Variants in ITGA2 observed in about 807,000 individuals in gnomAD.
The protein encoded by ITGA2 is integrin alpha-2.
Under a neutral mutation model 146.3 loss-of-function variants are expected in ITGA2, and 101 were observed. The ratio of observed to expected loss-of-function variants is 0.69; its 90% CI spans 0.59 to 0.81. The LOEUF is 0.81. Ranked by LOEUF, ITGA2 falls within the 40% of genes least tolerant of loss-of-function variation. The pLI is 0.00. For missense variants in ITGA2, 1,281 were observed against 1,402.7 expected (o/e 0.91, Z 1.39); for synonymous variants, 477 against 487.1 (o/e 0.98, Z 0.27).
chr5:53,077,218 A>T (rs1206496931), intron 23 of ITGA2, among the ~76,000 whole-genome samples: 2 of 152,060 alleles, frequency 1.3e-5, no homozygotes, highest in Non-Finnish European at 2.9e-5. Context: ...TTAACAAGAC[A>T]TTTGGTTGTT....
At chr5:53,039,838 A>T (rs914885724) in intron 2 of ITGA2, among the ~76,000 whole-genome samples, 2 of 150,488 alleles carry the variant, frequency 1.3e-5, no homozygotes, top group African/African-American at 4.9e-5. Flanking sequence ...TCATCCATTC[A>T]TTTGCTTGTT....
chr5:53,055,756 C>T lies in ITGA2; in HGVS notation c.930+68C>T, dbSNP rs1744599903. 1.9e-6 allele frequency: 3 copies of T among 1,552,532 alleles called. No individual in the cohort carries two copies. The Admixed American group carries it at 5.0e-5, about 26-fold the overall frequency. On this transcript the variant is annotated intron_variant, in intron 8 of 29. Coordinates refer to ENST00000296585, the MANE Select transcript of ITGA2 (RefSeq NM_002203.4). ...AATCTTTCTTTATAGCATCACTTCT[C>T]AAGGCTGCACTTTCCCATTGGCTGT...
chr5:53,081,514 A>G, intron 25 of ITGA2, 78 bp from the exon 26 acceptor site: 1 of 1,118,670 alleles, frequency 8.9e-7, no homozygotes, highest in Non-Finnish European at 1.3e-6. Flanking sequence ...AAGTGACAGT[A>G]GGATTTCCTA....
chr5:52,993,389 G>A (rs540037818), intron 1 of ITGA2, among the ~76,000 whole-genome samples: 1 of 152,224 alleles, frequency 6.6e-6, no homozygotes, highest in Admixed American at 6.5e-5. Flanking sequence ...ATTTACAATG[G>A]CTCATATATT....
intron 2 of ITGA2, among the ~76,000 whole-genome samples, chr5:53,035,305 G>A (rs1180720386): frequency 2.0e-5 from 3 of 152,154 alleles, no homozygotes; most frequent in East Asian, 1.9e-4. Flanking sequence ...ACTGCATGTC[G>A]GATGAGAGGA....
chr5:52,999,103 A>G (rs1446520744), intron 1 of ITGA2, among the ~76,000 whole-genome samples: 11 of 152,120 alleles, frequency 7.2e-5, no homozygotes, highest in African/African-American at 2.7e-4. Flanking sequence ...TACAGATATC[A>G]TTTTTTCCCC....
Position 53,060,028 on chromosome 5 carries a change from A to G in ITGA2, c.1312+16A>G. 1.9e-6 allele frequency: 3 copies of G among 1,611,570 alleles called. No individual in the cohort carries two copies. The highest frequency in any genetic ancestry group is 2.5e-6 in the Non-Finnish European group (3 of 1,178,390). ...TCATATTTAGGTAAGGCATGGTAAT[A>G]ATTGGCTCAGCAAACTTAAGTTCCC... is the stretch of plus-strand genomic sequence containing the variant. On this transcript the variant is annotated intron_variant, in intron 11 of 29. Coordinates refer to ENST00000296585, the MANE Select transcript of ITGA2 (RefSeq NM_002203.4).
chr5:52,994,107 G>A (rs1454872928), intron 1 of ITGA2, among the ~76,000 whole-genome samples: 2 of 152,132 alleles, frequency 1.3e-5, no homozygotes, highest in Non-Finnish European at 2.9e-5. Context: ...AGGCTTTATT[G>A]ATCTGGCTAC....
Position 53,073,027 on chromosome 5 carries a change from G to C in ITGA2, c.2430-91G>C, listed in dbSNP as rs1427520614. On this transcript the variant is annotated intron_variant, in intron 19 of 29. Coordinates refer to ENST00000296585, the MANE Select transcript of ITGA2 (RefSeq NM_002203.4). ...TCTCAGTATTCTAAGTAAGTCTAAAGAGTTTAGTTTTTTAATGAGTGAAAT... is the reference window on the plus strand; with the variant it reads ...TCTCAGTATTCTAAGTAAGTCTAAACAGTTTAGTTTTTTAATGAGTGAAAT... The C allele has an allele frequency of 7.7e-6, 10 of 1,305,282 alleles. No individual in the cohort carries two copies. The African/African-American group carries it at 1.0e-4, about 13-fold the overall frequency. 80.9% of individuals were successfully genotyped at this position (1,305,282 alleles called of 1,614,324 possible).
chr5:53,074,298 C>T, intron 20 of ITGA2, 87 bp from the exon 21 acceptor site: 2 of 1,004,026 alleles, frequency 2.0e-6, no homozygotes, highest in Non-Finnish European at 3.2e-6. Flanking sequence ...TGCTAAAATG[C>T]CACTGTACCT....
intron 11 of ITGA2, 41 bp from the exon 12 acceptor site, chr5:53,060,860 G>C (rs781661898): frequency 3.8e-6 from 6 of 1,599,232 alleles, no homozygotes; most frequent in Non-Finnish European, 4.3e-6. Flanking sequence ...ATTTTGCTCA[G>C]ATAGTCAATG....
At chr5:53,035,689 A>G (rs750930931) in intron 2 of ITGA2, among the ~76,000 whole-genome samples, 12 of 152,146 alleles carry the variant, frequency 7.9e-5, no homozygotes, top group Non-Finnish European at 1.6e-4. Flanking sequence ...AATTCTTTCC[A>G]TCACAAATTC....
intron 1 of ITGA2, among the ~76,000 whole-genome samples, chr5:53,004,081 C>T (rs1741711778): frequency 6.6e-6 from 1 of 151,998 alleles, no homozygotes; most frequent in Non-Finnish European, 1.5e-5. Context: ...TCAGCCCTGT[C>T]CTCCACCCAC....
At position 53,091,819 on chromosome 5, in the gene ITGA2, G is replaced by T. The variant is rs553165905; in HGVS notation, c.*1220G>T. On this transcript the variant is annotated 3_prime_UTR_variant, in exon 30 of 30. Transcript: ENST00000296585. ...AGCTCGAGTGAATTTCTAAATGTTGGAATGTTATGGGATGTAAACAATGTA... is the reference window on the plus strand; with the variant it reads ...AGCTCGAGTGAATTTCTAAATGTTGTAATGTTATGGGATGTAAACAATGTA... The T allele has an allele frequency of 2.6e-5, 4 of 152,182 alleles. No homozygotes were observed. Among genetic ancestry groups the T allele is most frequent in the Non-Finnish European group, 5.9e-5 (4 of 68,030 alleles). The allele number at this position is 152,182 out of a possible 1,614,324, so 9.4% of individuals were successfully genotyped here.
At chr5:53,044,467 C>T (rs541132982) in intron 3 of ITGA2, among the ~76,000 whole-genome samples, 1 of 151,908 alleles carries the variant, frequency 6.6e-6, no homozygotes, top group East Asian at 1.9e-4. Flanking sequence ...AGAATGGATA[C>T]AGTGGTTGAT....
intron 1 of ITGA2, among the ~76,000 whole-genome samples, chr5:53,010,338 A>G (rs1477586514): frequency 6.6e-6 from 1 of 152,222 alleles, no homozygotes; most frequent in Non-Finnish European, 1.5e-5. Context: ...AGAGGCTCGA[A>G]CAACAGAGGA....
At chr5:53,052,929 C>CA (rs1302245605) in intron 7 of ITGA2, among the ~76,000 whole-genome samples, 1 of 152,142 alleles carries the variant, frequency 6.6e-6, no homozygotes, top group Non-Finnish European at 1.5e-5. Context: ...CACTCTCTCC[C>CA]AAAACTCACA....
At position 53,083,388 on chromosome 5, in the gene ITGA2, G is replaced by A. The variant is rs370695156; in HGVS notation, c.3193G>A (p.Val1065Ile). Reference sequence around the variant, plus strand: ...TAATGTTACCTGCTGGTTGAAAGACGTTCACATGAAAGGAGAATACTTTGT... The same window carrying A: ...TAATGTTACCTGCTGGTTGAAAGACATTCACATGAAAGGAGAATACTTTGT... Reference protein sequence around the residue: ...CSNVTCWLKDVHMKGEYFVNV... With the variant: ...CSNVTCWLKDIHMKGEYFVNV... The change falls in exon 27 of 30, where the codon GTT becomes ATT. Residue 1065 changes from valine (V) to isoleucine (I), a missense_variant. Coordinates refer to ENST00000296585, the MANE Select transcript of ITGA2 (RefSeq NM_002203.4). 4.9e-5 allele frequency: 79 copies of A among 1,613,650 alleles called. No homozygotes were observed. In the African/African-American group the frequency reaches 5.9e-4, roughly 12 times the overall value.
chr5:53,071,777 G>A (rs775921065), intron 17 of ITGA2, among the ~76,000 whole-genome samples, 161 bp from the exon 18 acceptor site: 4 of 151,926 alleles, frequency 2.6e-5, no homozygotes, highest in African/African-American at 4.8e-5. Flanking sequence ...GAAAAGAAGC[G>A]AGAGTCTTGA....
Sources: gnomAD v4.1 joint callset for allele counts (sites outside exome capture counted in the v4.1 genomes callset) on GRCh38, gnomAD v4.1.1 for gene constraint, MANE v1.5 for transcripts, NCBI Gene and HGNC (gene_info 2026-07-23, HGNC 2026-07-21) for gene names.